The following SYN3 variants were observed in gnomAD, a reference collection of about 807,000 sequenced individuals.
SYN3 encodes the protein synapsin III, also known as synapsin-3.
In SYN3, 35 loss-of-function variants were observed where a neutral mutation model predicts 65.8. The ratio of observed to expected loss-of-function variants is 0.53; its 90% CI spans 0.41 to 0.70. SYN3 has a LOEUF of 0.70. SYN3 is among the 30% of genes least tolerant of loss of function. The pLI, the probability that SYN3 is intolerant of heterozygous loss-of-function variation, is 0.00. For missense variants in SYN3, 680 were observed against 749.0 expected (o/e 0.91, Z 1.08); for synonymous variants, 270 against 292.9 (o/e 0.92, Z 0.80).
chr22:32,512,119 C>CA lies in SYN3; in HGVS notation c.*1572dup, dbSNP rs2057697582. On this transcript the variant is annotated 3_prime_UTR_variant, in exon 14 of 14. Transcript: ENST00000358763. Reference sequence around the variant, plus strand: ...GTCTCTGGCCCTGACGTCACCACTCCAGTTTGGTTTTGAAGGACCAAAAAG... The same window carrying CA: ...GTCTCTGGCCCTGACGTCACCACTCCAAGTTTGGTTTTGAAGGACCAAAAAG... Among the ~76,000 whole-genome samples, 1 of 152,186 alleles carries CA rather than the reference C, an allele frequency of 6.6e-6. No individual in the cohort carries two copies. Among genetic ancestry groups the CA allele is most frequent in the Non-Finnish European group, 1.5e-5 (1 of 68,038 alleles).
At chr22:32,526,161 GC>G (rs771360776) in intron 12 of SYN3, among the ~76,000 whole-genome samples, 6 of 152,124 alleles carry the variant, frequency 3.9e-5, no homozygotes, top group Non-Finnish European at 7.3e-5. Context: ...TGTAAACATA[GC>G]TTTTATATGC....
chr22:32,575,151 T>G (rs1247028515), intron 7 of SYN3, among the ~76,000 whole-genome samples: 2 of 152,226 alleles, frequency 1.3e-5, no homozygotes, highest in Admixed American at 1.3e-4. Flanking sequence ...CTTTTTTCAT[T>G]CAGAACAGCT....
intron 6 of SYN3, chr22:32,857,206 C>T: frequency 6.6e-7 from 1 of 1,508,952 alleles, no homozygotes; most frequent in African/African-American, 1.4e-5. Context: ...TACGGGTGTC[C>T]AAACTGGGAA....
At chr22:32,802,841 T>TTGAATGTG (rs1317316763) in intron 6 of SYN3, among the ~76,000 whole-genome samples, 6 of 152,118 alleles carry the variant, frequency 3.9e-5, no homozygotes, top group Non-Finnish European at 8.8e-5. Context: ...TTTTTCCCCC[T>TTGAATGTG]TGAATGTGTG....
chr22:32,807,378 AATATATAT>A (rs2046783998), intron 6 of SYN3, among the ~76,000 whole-genome samples: 1 of 108,242 alleles, frequency 9.2e-6, no homozygotes, highest in South Asian at 2.6e-4. Flanking sequence ...TATTATATAT[AATATATAT>A]TATATATAAT....
At chr22:32,584,414 G>A (rs527613726) in intron 7 of SYN3, among the ~76,000 whole-genome samples, 3 of 152,264 alleles carry the variant, frequency 2.0e-5, no homozygotes, top group Non-Finnish European at 4.4e-5. Flanking sequence ...CCACCCCACC[G>A]GGTGATGTGT....
At chr22:32,572,356 TACTTCCC>T (rs2058778057) in intron 7 of SYN3, among the ~76,000 whole-genome samples, 3 of 66,298 alleles carry the variant, frequency 4.5e-5, no homozygotes, top group African/African-American at 2.6e-4. Flanking sequence ...TTCCTTCCCT[TACTTCCC>T]TTCCACCCTC....
chr22:32,885,477 C>T (rs866566850), intron 4 of SYN3, among the ~76,000 whole-genome samples: 6 of 152,284 alleles, frequency 3.9e-5, no homozygotes, highest in Middle Eastern at 3.4e-3. Context: ...TTTCTTGTGT[C>T]GCTTTTAAGA....
intron 3 of SYN3, among the ~76,000 whole-genome samples, chr22:32,946,355 T>C (rs1569347287): frequency 6.6e-6 from 1 of 152,158 alleles, no homozygotes; most frequent in Non-Finnish European, 1.5e-5. Context: ...TGGAATACTA[T>C]GCAGCCATAA....
At chr22:32,521,729 A>G (rs1321745592) in intron 12 of SYN3, among the ~76,000 whole-genome samples, 1 of 152,140 alleles carries the variant, frequency 6.6e-6, no homozygotes, top group Non-Finnish European at 1.5e-5. Flanking sequence ...TACAGGTGTG[A>G]GTCACCGCGC....
intron 3 of SYN3, among the ~76,000 whole-genome samples, chr22:32,969,300 G>A (rs2051945437): frequency 6.6e-6 from 1 of 152,084 alleles, no homozygotes; most frequent in African/African-American, 2.4e-5. Flanking sequence ...TCATGCAACG[G>A]GCAACACAGT....
intron 4 of SYN3, among the ~76,000 whole-genome samples, chr22:32,900,938 G>A (rs1168975044): frequency 1.3e-5 from 2 of 152,206 alleles, no homozygotes; most frequent in African/African-American, 2.4e-5. Context: ...GGAAATATTT[G>A]GTTTACTGAT....
At chr22:32,869,350 C>CTT (rs2048781097) in intron 4 of SYN3, among the ~76,000 whole-genome samples, 1 of 148,870 alleles carries the variant, frequency 6.7e-6, no homozygotes, top group Non-Finnish European at 1.5e-5. Context: ...CTCTCTCTCT[C>CTT]TCTCTCTCTC....
chr22:32,613,690 A>G (rs931063271), intron 6 of SYN3, among the ~76,000 whole-genome samples: 2 of 152,196 alleles, frequency 1.3e-5, no homozygotes, highest in African/African-American at 4.8e-5. Flanking sequence ...AGCTCTGTAA[A>G]CGTCAGGTGC....
intron 6 of SYN3, among the ~76,000 whole-genome samples, chr22:32,710,632 C>CAAAAAAA (rs57427060): frequency 1.3e-5 from 1 of 74,998 alleles, no homozygotes; most frequent in Admixed American, 1.6e-4. Context: ...GACTCTGTCT[C>CAAAAAAA]AAAAAAAAAA....
At chr22:32,726,055 T>C (rs1055589263) in intron 6 of SYN3, among the ~76,000 whole-genome samples, 3 of 152,224 alleles carry the variant, frequency 2.0e-5, no homozygotes, top group Non-Finnish European at 4.4e-5. Flanking sequence ...AACAGGAATA[T>C]GTAAGGTGTG....
At chr22:32,571,311 A>G (rs758410276) in intron 7 of SYN3, among the ~76,000 whole-genome samples, 2 of 151,858 alleles carry the variant, frequency 1.3e-5, no homozygotes, top group Non-Finnish European at 2.9e-5. Flanking sequence ...ACCAGTAGGC[A>G]GCGGGAGTGG....
chr22:32,625,058 T>C (rs574165898), intron 6 of SYN3, among the ~76,000 whole-genome samples: 1 of 152,258 alleles, frequency 6.6e-6, no homozygotes, highest in East Asian at 1.9e-4. Context: ...ATGCCCAGGG[T>C]TGGTTTATTG....
intron 1 of SYN3, among the ~76,000 whole-genome samples, chr22:33,030,213 C>A (rs913674662): frequency 4.6e-5 from 7 of 152,192 alleles, no homozygotes; most frequent in Non-Finnish European, 8.8e-5. Context: ...GATCTGGGAA[C>A]CAGACCTGAC....
Sources: allele counts gnomAD v4.1 joint callset (sites outside exome capture counted in the v4.1 genomes callset), GRCh38; gene constraint gnomAD v4.1.1; transcripts MANE v1.5; gene names NCBI Gene and HGNC (gene_info 2026-07-23, HGNC 2026-07-21).